Variants in ROCK1 observed in about 807,000 individuals in gnomAD.
ROCK1 encodes rho-associated protein kinase 1.
ROCK1 carries 36 observed loss-of-function variants against 196.8 expected under a neutral mutation model. The ratio of observed to expected loss-of-function variants is 0.18; its 90% CI spans 0.14 to 0.24. The LOEUF (loss-of-function observed/expected upper bound fraction) is 0.24, where lower values mean the gene tolerates loss of function less well. ROCK1 is among the 10% of genes least tolerant of loss of function. The probability of loss-of-function intolerance (pLI) is 1.00; values close to 1 mark genes in which losing one functional copy is unlikely to be tolerated. For missense variants in ROCK1, 920 were observed against 1,562.0 expected (o/e 0.59, Z 6.93); for synonymous variants, 443 against 515.9 (o/e 0.86, Z 1.91).
chr18:21,110,988 G>A lies in ROCK1; in HGVS notation c.-78C>T, dbSNP rs1192411863. On this transcript the variant is annotated 5_prime_UTR_variant, in exon 1 of 33. Transcript: ENST00000399799. ...TTTCAACCAACTTCCTCCGCGGTGG[G>A]TTCGCAGCCGCGGGGCGGAGGAGCC... The A allele has an allele frequency of 1.6e-6, 2 of 1,225,804 alleles. No homozygotes were observed. Among genetic ancestry groups the A allele is most frequent in the African/African-American group, 1.5e-5 (1 of 67,482 alleles). 75.9% of individuals were successfully genotyped at this position (1,225,804 alleles called of 1,614,324 possible). A position where few individuals can be genotyped will look rare whatever the true frequency, so the allele number is the denominator to read the frequency against.
chr18:21,087,846 T>G (rs181097731), intron 1 of ROCK1, among the ~76,000 whole-genome samples: 1 of 152,198 alleles, frequency 6.6e-6, no homozygotes, highest in Non-Finnish European at 1.5e-5. Flanking sequence ...TAACCCAAAA[T>G]AGCAGAATAC....
intron 19 of ROCK1, 76 bp from the exon 20 acceptor site, chr18:20,984,611 C>T: frequency 9.5e-7 from 1 of 1,055,758 alleles, no homozygotes; most frequent in South Asian, 1.6e-5. Flanking sequence ...GACTACTAAC[C>T]AAATCAAGTA....
chr18:20,995,988 C>T (rs1265943700), intron 16 of ROCK1, among the ~76,000 whole-genome samples: 3 of 152,122 alleles, frequency 2.0e-5, no homozygotes, highest in Non-Finnish European at 4.4e-5. Flanking sequence ...AAATACCTAA[C>T]TCTTCAATGC....
chr18:21,006,859 T>G, intron 14 of ROCK1, 69 bp from the exon 15 acceptor site: 7 of 1,138,068 alleles, frequency 6.2e-6, no homozygotes, highest in Non-Finnish European at 8.7e-6. Flanking sequence ...AATCCTTTTT[T>G]AAAAAAAGAC....
At chr18:21,096,329 T>C (rs2036612837) in intron 1 of ROCK1, among the ~76,000 whole-genome samples, 1 of 151,770 alleles carries the variant, frequency 6.6e-6, no homozygotes, top group Non-Finnish European at 1.5e-5. Flanking sequence ...GCCTCCCGAG[T>C]GGCTGGGATT....
intron 1 of ROCK1, among the ~76,000 whole-genome samples, chr18:21,101,189 TAC>T (rs1277751757): frequency 6.6e-6 from 1 of 152,250 alleles, no homozygotes; most frequent in African/African-American, 2.4e-5. Context: ...ACAGAGGAAT[TAC>T]AGTTAATAAA....
At chr18:21,045,899 GTTTTTTTTTTTTTTTTTT>G (rs34360056) in intron 4 of ROCK1, among the ~76,000 whole-genome samples, 1 of 62,470 alleles carries the variant, frequency 1.6e-5, no homozygotes, top group Non-Finnish European at 2.8e-5. Flanking sequence ...AGTTTCAGCT[GTTTTTTTTTTTTTTTTTT>G]TTTTTTTTTT....
intron 13 of ROCK1, among the ~76,000 whole-genome samples, chr18:21,014,458 A>G (rs1197164354): frequency 1.3e-5 from 2 of 152,232 alleles, no homozygotes; most frequent in East Asian, 3.8e-4. Context: ...CCATCTTTCT[A>G]GAAGTGAGAC....
intron 11 of ROCK1, among the ~76,000 whole-genome samples, chr18:21,022,881 T>C (rs553485229): frequency 3.9e-5 from 6 of 152,226 alleles, no homozygotes; most frequent in East Asian, 1.9e-4. Flanking sequence ...TGTATATATA[T>C]GTATGCAATG....
intron 1 of ROCK1, among the ~76,000 whole-genome samples, chr18:21,071,709 C>G (rs1033307229): frequency 8.6e-5 from 13 of 151,756 alleles, no homozygotes; most frequent in African/African-American, 3.1e-4. Flanking sequence ...ATGGTTTTTG[C>G]GTGATGCTTA....
intron 4 of ROCK1, among the ~76,000 whole-genome samples, chr18:21,047,083 G>A (rs1163402647): frequency 1.3e-5 from 2 of 151,998 alleles, no homozygotes; most frequent in African/African-American, 4.8e-5. Flanking sequence ...TTGTCATTTG[G>A]GCCCCATAAA....
intron 1 of ROCK1, among the ~76,000 whole-genome samples, chr18:21,074,546 T>C (rs906545553): frequency 2.0e-5 from 3 of 152,198 alleles, no homozygotes; most frequent in Admixed American, 2.0e-4. Context: ...ACCTGCTCTA[T>C]TCTCCCGCTG....
intron 2 of ROCK1, among the ~76,000 whole-genome samples, chr18:21,066,017 T>G (rs1046597957): frequency 5.3e-5 from 8 of 152,210 alleles, no homozygotes; most frequent in African/African-American, 1.9e-4. Context: ...AGGTATATTC[T>G]TAGATCACTA....
chr18:21,066,326 T>C (rs916587799), intron 2 of ROCK1, among the ~76,000 whole-genome samples: 3 of 152,210 alleles, frequency 2.0e-5, no homozygotes, highest in Non-Finnish European at 4.4e-5. Context: ...TATGATTTCA[T>C]GGTAGCCACA....
chr18:20,987,065 G>A lies in ROCK1; in HGVS notation c.2189C>T (p.Ala730Val). Residue 730 changes from alanine (A) to valine (V), a missense_variant, in exon 19 of 33, where the codon GCT (alanine) becomes GTT (valine). Ala to Val is a moderately conservative substitution (Grantham distance 64, BLOSUM62 0). Coordinates refer to ENST00000399799, the MANE Select transcript of ROCK1 (RefSeq NM_005406.3). ...CTCAATCTGAACAACCCGATTTTCA[G>A]CCTTCTCTCGAGCTTCTCTTTCTTC... The part of the protein sequence containing the change: ...LKEEREAREK[A>V]ENRVVQIEKQ... The A allele has an allele frequency of 1.9e-6, 3 of 1,612,526 alleles. No individual in the cohort carries two copies. Among genetic ancestry groups the A allele is most frequent in the Non-Finnish European group, 1.7e-6 (2 of 1,179,598 alleles).
chr18:21,067,873 T>C (rs1451277215), intron 2 of ROCK1, among the ~76,000 whole-genome samples: 2 of 152,206 alleles, frequency 1.3e-5, no homozygotes, highest in South Asian at 2.1e-4. Context: ...AACTTTTATA[T>C]TTTCGGTTAA....
intron 9 of ROCK1, among the ~76,000 whole-genome samples, chr18:21,036,793 T>C (rs543809941): frequency 9.2e-5 from 14 of 152,260 alleles, no homozygotes; most frequent in African/African-American, 3.4e-4. Context: ...TTAATATTAA[T>C]ATGTTAAATA....
intron 1 of ROCK1, among the ~76,000 whole-genome samples, chr18:21,086,318 G>A (rs1568406172): frequency 6.6e-6 from 1 of 152,010 alleles, no homozygotes; most frequent in Non-Finnish European, 1.5e-5. Flanking sequence ...CACCATGTGG[G>A]ACAGGCTGGT....
intron 12 of ROCK1, among the ~76,000 whole-genome samples, chr18:21,016,348 A>T (rs1217132593): frequency 1.3e-5 from 2 of 152,168 alleles, no homozygotes; most frequent in Non-Finnish European, 2.9e-5. Flanking sequence ...AGGTCTATGG[A>T]TTTCAGGTTA....
Sources: gnomAD v4.1 joint callset for allele counts (sites outside exome capture counted in the v4.1 genomes callset) on GRCh38, gnomAD v4.1.1 for gene constraint, MANE v1.5 for transcripts, NCBI Gene and HGNC (gene_info 2026-07-23, HGNC 2026-07-21) for gene names.